Variants in F8 observed in about 807,000 individuals in gnomAD.
F8 encodes antihemophilic factor.
In F8, 12 loss-of-function variants were observed where a neutral mutation model predicts 140.6. That is an observed-to-expected ratio of 0.09 (90% CI 0.05 to 0.14). F8 has a LOEUF of 0.14. F8 is among the 10% of genes least tolerant of loss of function. The probability of loss-of-function intolerance (pLI) is 1.00; values close to 1 mark genes in which losing one functional copy is unlikely to be tolerated. For missense variants in F8, 1,354 were observed against 1,720.7 expected (o/e 0.79, Z 3.77); for synonymous variants, 585 against 614.6 (o/e 0.95, Z 0.71).
At chrX:154,848,493 C>T (rs1199791887) in intron 25 of F8, among the ~76,000 whole-genome samples, 1 of 112,636 alleles carries the variant, frequency 8.9e-6, no homozygotes, top group Non-Finnish European at 1.9e-5. Flanking sequence ...ATGGCGGGTG[C>T]CCCTCTCCCT....
At chrX:154,917,761 C>T (rs1398836741) in intron 14 of F8, among the ~76,000 whole-genome samples, 1 of 111,617 alleles carries the variant, frequency 9.0e-6, no homozygotes, top group African/African-American at 3.3e-5. Flanking sequence ...TATTTCTCAG[C>T]TCCAGCATTT....
chrX:154,944,123 T>C (rs1557280098), intron 13 of F8, among the ~76,000 whole-genome samples: 1 of 111,380 alleles, frequency 9.0e-6, no homozygotes, highest in Non-Finnish European at 1.9e-5. Flanking sequence ...GGACTTCATG[T>C]CTAAAACACC....
Position 154,861,588 on chromosome X carries a change from A to T in F8, c.6723+130T>A, listed in dbSNP as rs2072690973. The T allele has an allele frequency of 1.4e-5, 12 of 840,048 alleles. No homozygotes were observed. In the Admixed American group the frequency reaches 2.7e-4, roughly 19 times the overall value. 69.2% of individuals were successfully genotyped at this position (840,048 alleles called of 1,213,427 possible). ...TGTGTGGTTGTCTGCCCATAACCAA[A>T]CTTCCTTGACACACTTTTTAGAACT... On this transcript the variant is annotated intron_variant, in intron 24 of 25. Coordinates refer to ENST00000360256, the MANE Select transcript of F8 (RefSeq NM_000132.4).
In F8 at chrX:154,928,759, A is replaced by C; in HGVS notation, c.5031T>G (p.Asp1677Glu). Residue 1677 changes from aspartate (D) to glutamate (E), a missense_variant, in exon 14 of 26, where the codon GAT (aspartate) becomes GAG (glutamate). By Grantham distance (45) the Asp-to-Glu change is conservative (BLOSUM62 2). Coordinates refer to ENST00000360256, the MANE Select transcript of F8 (RefSeq NM_000132.4). ...TATCATCATAGTCAATTTCCTCTTG[A>C]TCTGACTGAAGAGTAGTACGAGTTA... ...REITRTTLQSDQEEIDYDDTI... is the reference protein window; with the variant it reads ...REITRTTLQSEQEEIDYDDTI... The C allele has an allele frequency of 8.3e-7, 1 of 1,211,410 alleles. No individual in the cohort carries two copies. The highest frequency in any genetic ancestry group is 1.1e-6 in the Non-Finnish European group (1 of 895,404).
In F8 at chrX:154,933,528, C is replaced by T. The variant is rs140900835; in HGVS notation, c.2114-1852G>A. Among the ~76,000 whole-genome samples the T allele has an allele frequency of 1.5e-3, 164 of 112,254 alleles. 1 individual carries two copies. Among genetic ancestry groups the T allele is most frequent in the Non-Finnish European group, 2.7e-3 (144 of 53,212 alleles). On this transcript the variant is annotated intron_variant, in intron 13 of 25. Coordinates refer to ENST00000360256, the MANE Select transcript of F8 (RefSeq NM_000132.4). ...TTGAGTTGAGAAGGGAATTCGACAT[C>T]CATTAAGTAGACAGAGAGTTAGGCT...
At chrX:154,848,631 T>C (rs1269880391) in intron 25 of F8, among the ~76,000 whole-genome samples, 1 of 111,992 alleles carries the variant, frequency 8.9e-6, no homozygotes, top group African/African-American at 3.3e-5. Context: ...CTAAGACCAT[T>C]GGAAAAGCGC....
At chrX:154,945,331 T>C (rs1293918130) in intron 13 of F8, among the ~76,000 whole-genome samples, 2 of 111,377 alleles carry the variant, frequency 1.8e-5, no homozygotes, top group African/African-American at 3.3e-5. Context: ...ATATCTCTGA[T>C]GAACATTGAT....
chrX:154,956,376 A>C (rs1557281200), intron 11 of F8, among the ~76,000 whole-genome samples: 1 of 112,452 alleles, frequency 8.9e-6, no homozygotes, highest in East Asian at 2.8e-4. Flanking sequence ...GGAAATTATA[A>C]GAGTATTGGT....
intron 14 of F8, among the ~76,000 whole-genome samples, chrX:154,918,328 A>G (rs1227482699): frequency 9.0e-6 from 1 of 111,225 alleles, no homozygotes; most frequent in East Asian, 2.8e-4. Context: ...GATGAAGAGC[A>G]GCCAATGTGT....
chrX:154,906,938 T>G (rs1256446823), intron 14 of F8, among the ~76,000 whole-genome samples: 1 of 112,319 alleles, frequency 8.9e-6, no homozygotes. Context: ...CTATTAAAAT[T>G]GTGAACTAAA....
At chrX:155,009,358 G>A (rs1470395140) in intron 1 of F8, among the ~76,000 whole-genome samples, 2 of 110,525 alleles carry the variant, frequency 1.8e-5, no homozygotes, top group South Asian at 3.8e-4. Context: ...GTTCCACTAC[G>A]TCTATCCTAC....
At chrX:154,851,287 A>G (rs1557272138) in intron 25 of F8, among the ~76,000 whole-genome samples, 1 of 112,592 alleles carries the variant, frequency 8.9e-6, no homozygotes, top group Non-Finnish European at 1.9e-5. Context: ...TTATCTGTTC[A>G]TCACTTGATG....
chrX:155,020,321 A>G (rs782737777), intron 1 of F8, among the ~76,000 whole-genome samples: 1 of 112,480 alleles, frequency 8.9e-6, no homozygotes, highest in South Asian at 3.6e-4. Flanking sequence ...CTGGATGGAA[A>G]TAAAACTAGA....
intron 14 of F8, among the ~76,000 whole-genome samples, chrX:154,910,636 G>A (rs782373959): frequency 8.2e-4 from 92 of 112,377 alleles, no homozygotes; most frequent in African/African-American, 2.4e-3. Flanking sequence ...GCGGAAGGCC[G>A]CAGGGACCTC....
At position 154,948,910 on chromosome X, in the gene F8, A is replaced by G. The variant is rs2073322390; in HGVS notation, c.1904-1003T>C. Among the ~76,000 whole-genome samples, 3 of 112,364 alleles carry G rather than the reference A, an allele frequency of 2.7e-5. No homozygotes were observed. In the South Asian group the frequency reaches 1.1e-3, roughly 41 times the overall value. On this transcript the variant is annotated intron_variant, in intron 12 of 25. Coordinates refer to ENST00000360256, the MANE Select transcript of F8 (RefSeq NM_000132.4). ...TAAAAATGCAGTCTTAATGCAGAAT[A>G]GATAAATATATCAAACAAAATATGG...
rs928058347 is a variant in F8 at position 154,915,830 on chromosome X, T to G, written c.5220-9257A>C. On this transcript the variant is annotated intron_variant, in intron 14 of 25. Transcript: ENST00000360256. Reference sequence around the variant, plus strand: ...TTTGCTTAATTGCTCCATCTTGGACTTCCAGGACTGCATTTAATAGAATTG... The same window carrying G: ...TTTGCTTAATTGCTCCATCTTGGACGTCCAGGACTGCATTTAATAGAATTG... 2.7e-5 allele frequency among the ~76,000 whole-genome samples: 3 copies of G among 112,115 alleles called. No individual in the cohort carries two copies. In the South Asian group the frequency reaches 1.1e-3, roughly 42 times the overall value.
chrX:154,944,268 C>T (rs1160944114), intron 13 of F8, among the ~76,000 whole-genome samples: 2 of 108,623 alleles, frequency 1.8e-5, no homozygotes, highest in Non-Finnish European at 3.9e-5. Flanking sequence ...GCAACCTACT[C>T]ATCTGACAAA....
intron 6 of F8, among the ~76,000 whole-genome samples, chrX:154,970,632 G>A (rs1222206535): frequency 1.8e-5 from 2 of 111,437 alleles, no homozygotes; most frequent in Non-Finnish European, 3.8e-5. Flanking sequence ...ATAGAATAAA[G>A]TCCAGACTCT....
At chrX:154,860,332 G>A in intron 25 of F8, 100 bp downstream of exon 25, 1 of 918,238 alleles carries the variant, frequency 1.1e-6, no homozygotes, top group Non-Finnish European at 1.6e-6. Flanking sequence ...ATTTTGCTCT[G>A]AAAATTTGGT....
Sources: allele counts gnomAD v4.1 joint callset (sites outside exome capture counted in the v4.1 genomes callset), GRCh38; gene constraint gnomAD v4.1.1; transcripts MANE v1.5; gene names NCBI Gene and HGNC (gene_info 2026-07-23, HGNC 2026-07-21).